Variants in CEACAM3 observed in about 807,000 individuals in gnomAD.
The protein encoded by CEACAM3 is cell adhesion molecule CEACAM3.
CEACAM3 carries 32 observed loss-of-function variants against 30.1 expected under a neutral mutation model. The observed-to-expected ratio is 1.06, with a 90% confidence interval of 0.80 to 1.43. CEACAM3 has a LOEUF of 1.43. Ranked by LOEUF, CEACAM3 falls within the 40% of genes most tolerant of loss-of-function variation. CEACAM3 has a pLI of 0.00. For synonymous variants in CEACAM3, 134 were observed against 127.2 expected (o/e 1.05, Z -0.36); for missense variants, 290 against 316.3 (o/e 0.92, Z 0.63).
intron 2 of CEACAM3, among the ~76,000 whole-genome samples, chr19:41,803,705 A>G (rs1600518400): frequency 0.43 from 47,014 of 108,790 alleles, 15,542 homozygotes; most frequent in Middle Eastern, 0.72. Context: ...CAACCTCATG[A>G]TCTGCCCGCC....
At chr19:41,801,228 A>G (rs998029372) in intron 2 of CEACAM3, among the ~76,000 whole-genome samples, 1 of 151,476 alleles carries the variant, frequency 6.6e-6, no homozygotes, top group Non-Finnish European at 1.5e-5. Flanking sequence ...TCCCACTCAC[A>G]CTGTGGCCTG....
At chr19:41,797,496 T>C in intron 1 of CEACAM3, 93 bp from the exon 2 acceptor site, 1 of 1,495,032 alleles carries the variant, frequency 6.7e-7, no homozygotes, top group Non-Finnish European at 9.0e-7. Flanking sequence ...TCTCCAAGGC[T>C]GAAGGGTGAA....
rs376235936 is a variant in CEACAM3, at chr19:41,799,835, T to C, written c.424+1887T>C. On this transcript the variant is annotated intron_variant, in intron 2 of 6. Transcript: ENST00000357396. The stretch of plus-strand genomic sequence containing the variant: ...TTGGATGCAGAATCCTATAAGGTTC[T>C]GGCCACACCTGTTTCCTGTCCCTCC... 5.8e-4 allele frequency among the ~76,000 whole-genome samples: 89 copies of C among 152,302 alleles called. 5 individuals are homozygous for C. The highest frequency in any genetic ancestry group is 1.9e-3 in the African/African-American group (80 of 41,564).
chr19:41,810,061 C>G (rs782313652), intron 4 of CEACAM3, 44 bp downstream of exon 4: 1 of 1,579,304 alleles, frequency 6.3e-7, no homozygotes, highest in Middle Eastern at 1.7e-4. Flanking sequence ...ACCCCTAGGA[C>G]AGCCCCACAG....
At chr19:41,810,461 A>C in intron 5 of CEACAM3, 107 bp downstream of exon 5, 1 of 1,273,086 alleles carries the variant, frequency 7.9e-7, no homozygotes, top group Non-Finnish European at 1.1e-6. Flanking sequence ...CCTTCCCCCA[A>C]AACACACAGG....
At chr19:41,796,793 C>T (rs1555825289) in intron 1 of CEACAM3, 52 bp downstream of exon 1, 1 of 1,555,794 alleles carries the variant, frequency 6.4e-7, no homozygotes, top group East Asian at 2.3e-5. Context: ...CAGAGAATGG[C>T]TGGGGTCTCC....
At chr19:41,803,580 C>T (rs2073173099) in intron 2 of CEACAM3, among the ~76,000 whole-genome samples, 2 of 151,900 alleles carry the variant, frequency 1.3e-5, no homozygotes, top group Non-Finnish European at 1.5e-5. Flanking sequence ...CATTCTCCTG[C>T]CTCAGCCTCC....
At chr19:41,799,334 T>C (rs1229467393) in intron 2 of CEACAM3, among the ~76,000 whole-genome samples, 1 of 152,114 alleles carries the variant, frequency 6.6e-6, no homozygotes, top group Non-Finnish European at 1.5e-5. Context: ...TCTCTCTTGC[T>C]CCTGCTTTTG....
chr19:41,806,005 TTTGTTG>T (rs1174523555), intron 2 of CEACAM3, among the ~76,000 whole-genome samples: 42 of 43,456 alleles, frequency 9.7e-4, no homozygotes, highest in South Asian at 5.3e-3. Flanking sequence ...GTTGTTGTTG[TTTGTTG>T]TTGTTGTTGT....
intron 2 of CEACAM3, among the ~76,000 whole-genome samples, chr19:41,803,866 G>A (rs1311387237): frequency 6.6e-6 from 1 of 152,046 alleles, no homozygotes; most frequent in East Asian, 1.9e-4. Flanking sequence ...GATCACCTGA[G>A]GTCAGGAGTT....
chr19:41,800,302 G>A (rs781871330), intron 2 of CEACAM3, among the ~76,000 whole-genome samples: 4 of 152,162 alleles, frequency 2.6e-5, no homozygotes, highest in African/African-American at 9.7e-5. Flanking sequence ...GGGCTCCTTG[G>A]TCTAGCGGTG....
At chr19:41,809,724 T>A in intron 3 of CEACAM3, 1 of 455,568 alleles carries the variant, frequency 2.2e-6, no homozygotes, top group Non-Finnish European at 4.0e-6. Context: ...GGTCCCTGGG[T>A]CAATGTTCTC....
chr19:41,797,637 T>C lies in CEACAM3; in HGVS notation c.113T>C (p.Ile38Thr). 1 of 1,614,180 alleles carries C rather than the reference T, an allele frequency of 6.2e-7. No homozygotes were observed. Among genetic ancestry groups the C allele is most frequent in the Non-Finnish European group, 8.5e-7 (1 of 1,180,028 alleles). The change falls in exon 2 of 7, where the codon ATT becomes ACT. Residue 38 changes from isoleucine (I) to threonine (T), a missense_variant. Coordinates refer to ENST00000357396, the MANE Select transcript of CEACAM3 (RefSeq NM_001815.5). ...WNPPTTAKLT[I>T]ESMPLSVAEG... ...CCGCCCACCACTGCCAAGCTCACTA[T>C]TGAATCCATGCCGCTCAGTGTCGCA...
intron 2 of CEACAM3, among the ~76,000 whole-genome samples, chr19:41,806,749 C>G (rs557347304): frequency 1.2e-4 from 18 of 152,004 alleles, no homozygotes; most frequent in Non-Finnish European, 2.4e-4. Context: ...TGCAGTGGTG[C>G]GATCTCGGCT....
chr19:41,804,612 T>C (rs2073184056), intron 2 of CEACAM3, among the ~76,000 whole-genome samples: 2 of 152,196 alleles, frequency 1.3e-5, no homozygotes, highest in African/African-American at 4.8e-5. Context: ...TCTGTCTTCC[T>C]AACAGGACTC....
In CEACAM3 at chr19:41,803,471, T is replaced by TTTG. The variant is rs2073171659; in HGVS notation, c.425-5340_425-5339insGTT. Among the ~76,000 whole-genome samples, 400 of 114,940 alleles carry TTTG rather than the reference T, an allele frequency of 3.5e-3. 2 individuals are homozygous for TTTG. Among genetic ancestry groups the TTTG allele is most frequent in the South Asian group, 9.8e-3 (33 of 3,356 alleles). The allele number at this position is 114,940 out of a possible 152,430, so 75.4% of individuals were successfully genotyped here. A position where few individuals can be genotyped will look rare whatever the true frequency, so the allele number is the denominator to read the frequency against. ...GTGTGTGTGTGTGTTGTTTTGTTTG[T>TTTG]TTTTTTTTTTTTTGAGACAGAGTCT... On this transcript the variant is annotated intron_variant, in intron 2 of 6. Transcript: ENST00000357396.
At chr19:41,805,285 C>CTTTTTT (rs782317671) in intron 2 of CEACAM3, among the ~76,000 whole-genome samples, 1 of 105,046 alleles carries the variant, frequency 9.5e-6, no homozygotes, top group South Asian at 3.2e-4. Context: ...CTTTTTTCTT[C>CTTTTTT]TTTTTTTTTT....
At chr19:41,809,910 C>T in intron 3 of CEACAM3, 55 bp from the exon 4 acceptor site, 1 of 1,590,560 alleles carries the variant, frequency 6.3e-7, no homozygotes, top group South Asian at 1.1e-5. Context: ...TGTTCGAACT[C>T]CAAAGTTGTG....
chr19:41,800,725 C>T (rs2073139172), intron 2 of CEACAM3, among the ~76,000 whole-genome samples: 1 of 152,200 alleles, frequency 6.6e-6, no homozygotes, highest in Non-Finnish European at 1.5e-5. Context: ...GGAAGGGCCC[C>T]CTGTCCAGTG....
Sources: gnomAD v4.1 joint callset for allele counts (sites outside exome capture counted in the v4.1 genomes callset) on GRCh38, gnomAD v4.1.1 for gene constraint, MANE v1.5 for transcripts, NCBI Gene and HGNC (gene_info 2026-07-23, HGNC 2026-07-21) for gene names.